The following KIAA1328 variants were observed in gnomAD, a reference collection of about 807,000 sequenced individuals.
KIAA1328 encodes protein hinderin.
KIAA1328 carries 52 observed loss-of-function variants against 68.1 expected under a neutral mutation model. The ratio of observed to expected loss-of-function variants is 0.76; its 90% CI spans 0.61 to 0.96. The LOEUF is 0.96. Ranked by LOEUF, KIAA1328 falls within the 40% of genes least tolerant of loss-of-function variation. The pLI is 0.00. For synonymous variants in KIAA1328, 232 were observed against 239.4 expected (o/e 0.97, Z 0.28); for missense variants, 641 against 677.6 (o/e 0.95, Z 0.60).
At chr18:37,207,480 A>G (rs957939076) in intron 9 of KIAA1328, among the ~76,000 whole-genome samples, 2 of 152,210 alleles carry the variant, frequency 1.3e-5, no homozygotes, top group Admixed American at 1.3e-4. Flanking sequence ...GACCAAGGTC[A>G]TGTATATGTT....
At chr18:36,909,113 G>T (rs1342449307) in intron 5 of KIAA1328, among the ~76,000 whole-genome samples, 1 of 151,974 alleles carries the variant, frequency 6.6e-6, no homozygotes, top group African/African-American at 2.4e-5. Context: ...ATAGAATAAA[G>T]CTGAAGTGAT....
chr18:36,882,545 C>T (rs2048357926), intron 4 of KIAA1328, among the ~76,000 whole-genome samples: 1 of 152,068 alleles, frequency 6.6e-6, no homozygotes, highest in African/African-American at 2.4e-5. Context: ...AAAAATGTTG[C>T]TCTTTGTTCT....
intron 8 of KIAA1328, among the ~76,000 whole-genome samples, chr18:37,164,934 A>T (rs2059356165): frequency 6.6e-6 from 1 of 152,186 alleles, no homozygotes; most frequent in Admixed American, 6.5e-5. Flanking sequence ...CAATTAAGAT[A>T]TAGTACATTT....
At chr18:36,915,823 C>T (rs1182680968) in intron 5 of KIAA1328, among the ~76,000 whole-genome samples, 2 of 152,142 alleles carry the variant, frequency 1.3e-5, no homozygotes, top group African/African-American at 4.8e-5. Context: ...CAATCCCACT[C>T]CTAGGCATTC....
chr18:37,103,505 A>G (rs2057684244), intron 7 of KIAA1328, among the ~76,000 whole-genome samples: 2 of 152,234 alleles, frequency 1.3e-5, no homozygotes, highest in South Asian at 4.1e-4. Context: ...AAATCAACTC[A>G]CAATGGATTA....
In KIAA1328 at chr18:37,223,201, C is replaced by T. The variant is rs2060595574; in HGVS notation, c.*974C>T. 1 of 985,224 alleles carries T rather than the reference C, an allele frequency of 1.0e-6. No individual in the cohort carries two copies. The highest frequency in any genetic ancestry group is 4.7e-5 in the South Asian group (1 of 21,276). 61.0% of individuals were successfully genotyped at this position (985,224 alleles called of 1,614,324 possible). A position where few individuals can be genotyped will look rare whatever the true frequency, so the allele number is the denominator to read the frequency against. On this transcript the variant is annotated 3_prime_UTR_variant, in exon 10 of 10. Coordinates refer to ENST00000280020, the MANE Select transcript of KIAA1328 (RefSeq NM_020776.3). ...TTTCCTCCACGAGGATTAAAGGATA[C>T]AAGCTGACCAGGCCTCACAGGTGCT...
At position 37,200,906 on chromosome 18, in the gene KIAA1328, C is replaced by T. The variant is rs184789293; in HGVS notation, c.1524-21111C>T. Among the ~76,000 whole-genome samples, 28 of 152,152 alleles carry T rather than the reference C, an allele frequency of 1.8e-4. No individual in the cohort carries two copies. The East Asian group carries it at 4.6e-3, about 25-fold the overall frequency. ...CTCCCTCCCCCAACCCACAGTTCCC[C>T]CTTTTGATCAAAAATCTTTCTTCTT... On this transcript the variant is annotated intron_variant, in intron 9 of 9. Coordinates refer to ENST00000280020, the MANE Select transcript of KIAA1328 (RefSeq NM_020776.3).
intron 7 of KIAA1328, among the ~76,000 whole-genome samples, chr18:37,082,570 G>A (rs1340808867): frequency 6.6e-6 from 1 of 152,170 alleles, no homozygotes; most frequent in Non-Finnish European, 1.5e-5. Flanking sequence ...TATTGGGAAG[G>A]CAATCTAATT....
chr18:37,122,783 A>G (rs1184488454), intron 7 of KIAA1328, among the ~76,000 whole-genome samples: 1 of 152,132 alleles, frequency 6.6e-6, no homozygotes, highest in African/African-American at 2.4e-5. Flanking sequence ...GGGCTGATGG[A>G]TAGTGAGGTT....
intron 4 of KIAA1328, among the ~76,000 whole-genome samples, chr18:36,868,471 A>C (rs2047829978): frequency 6.6e-6 from 1 of 152,226 alleles, no homozygotes; most frequent in Non-Finnish European, 1.5e-5. Context: ...GCTTTGCAAA[A>C]TACTATAGTT....
At chr18:37,216,899 C>CTTTTTTTTTT (rs762745405) in intron 9 of KIAA1328, among the ~76,000 whole-genome samples, 57 of 90,254 alleles carry the variant, frequency 6.3e-4, no homozygotes, top group East Asian at 1.7e-3. Context: ...TTCTTTGTCT[C>CTTTTTTTTTT]TTTTTTTTTT....
chr18:37,139,317 C>T (rs1229861280), intron 7 of KIAA1328, among the ~76,000 whole-genome samples: 1 of 151,994 alleles, frequency 6.6e-6, no homozygotes, highest in Non-Finnish European at 1.5e-5. Flanking sequence ...TTCACAGGTC[C>T]ATTGCAGAGA....
At chr18:36,994,610 G>A (rs117691143) in intron 6 of KIAA1328, among the ~76,000 whole-genome samples, 27 of 152,276 alleles carry the variant, frequency 1.8e-4, no homozygotes, top group Middle Eastern at 3.4e-3. Flanking sequence ...AGCATCACAT[G>A]TTTTTTAATG....
intron 6 of KIAA1328, among the ~76,000 whole-genome samples, chr18:36,976,166 TGAG>T (rs1304857811): frequency 1.3e-5 from 2 of 152,202 alleles, no homozygotes; most frequent in African/African-American, 4.8e-5. Context: ...CTGATGAGAC[TGAG>T]GAGAACTGAA....
intron 5 of KIAA1328, chr18:36,886,532 G>T (rs912867330): frequency 2.0e-5 from 3 of 152,052 alleles, no homozygotes; most frequent in African/African-American, 7.2e-5. Flanking sequence ...GTGTGTGTGT[G>T]TCTATAGCAT....
chr18:36,885,740 G>A (rs765207639), intron 5 of KIAA1328, 68 bp downstream of exon 5: 63 of 1,036,792 alleles, frequency 6.1e-5, no homozygotes, highest in Middle Eastern at 2.7e-4. Context: ...TTTTTGAGAC[G>A]AAATCTCGCT....
chr18:37,089,371 C>CTTTTTT (rs3085910), intron 7 of KIAA1328, among the ~76,000 whole-genome samples: 7 of 95,290 alleles, frequency 7.3e-5, no homozygotes, highest in Non-Finnish European at 1.2e-4. Flanking sequence ...AAGGTAGTGG[C>CTTTTTT]TTTTTTTTTT....
chr18:36,882,014 C>T (rs573997203), intron 4 of KIAA1328, among the ~76,000 whole-genome samples: 1 of 152,282 alleles, frequency 6.6e-6, no homozygotes, highest in South Asian at 2.1e-4. Flanking sequence ...TTTTGAAGAA[C>T]TGCCAGACTT....
rs772145664 is a variant in KIAA1328, at chr18:37,067,264, C to T, written c.951C>T (p.Asp317=). ...GACTTGCTGCAGATCGTGTTCATGACAGCCATCCTACAAACATGACCCCTC... is the reference window on the plus strand; with the variant it reads ...GACTTGCTGCAGATCGTGTTCATGATAGCCATCCTACAAACATGACCCCTC... ...GHRLAADRVH[D]SHPTNMTPQH... Residue 317 remains aspartate, a synonymous_variant, in exon 7 of 10, where the codon GAC becomes GAT. Transcript: ENST00000280020. The T allele has an allele frequency of 6.2e-7, 1 of 1,614,028 alleles. No individual in the cohort carries two copies. The highest frequency in any genetic ancestry group is 8.5e-7 in the Non-Finnish European group (1 of 1,179,886).
Sources: gnomAD v4.1 joint callset for allele counts (sites outside exome capture counted in the v4.1 genomes callset) on GRCh38, gnomAD v4.1.1 for gene constraint, MANE v1.5 for transcripts, NCBI Gene and HGNC (gene_info 2026-07-23, HGNC 2026-07-21) for gene names.